PLCXD2: variants seen among roughly 807,000 people sequenced by gnomAD.
PLCXD2 encodes phosphatidylinositol specific phospholipase C X domain containing 2.
A neutral mutation model predicts 28.6 loss-of-function variants in PLCXD2; 21 were observed. The observed-to-expected ratio is 0.73, with a 90% CI of 0.52 to 1.06. The LOEUF (loss-of-function observed/expected upper bound fraction) is 1.06, where lower values mean the gene tolerates loss of function less well. PLCXD2 is among the 50% of genes least tolerant of loss of function. The probability of loss-of-function intolerance (pLI) is 0.00; values close to 1 mark genes in which losing one functional copy is unlikely to be tolerated. For synonymous variants in PLCXD2, 140 were observed against 150.1 expected (o/e 0.93, Z 0.49); for missense variants, 369 against 376.7 (o/e 0.98, Z 0.17).
chr3:111,695,338 AC>A (rs1940946341), intron 1 of PLCXD2, among the ~76,000 whole-genome samples: 1 of 152,204 alleles, frequency 6.6e-6, no homozygotes, highest in African/African-American at 2.4e-5. Context: ...ATAGAGCCAA[AC>A]CCTATACATC....
chr3:111,680,033 A>T (rs1940688536), intron 1 of PLCXD2, among the ~76,000 whole-genome samples: 1 of 152,074 alleles, frequency 6.6e-6, no homozygotes, highest in African/African-American at 2.4e-5. Context: ...TTCCCAGATG[A>T]TTCTCTGATC....
intron 1 of PLCXD2, among the ~76,000 whole-genome samples, chr3:111,677,729 G>A (rs1412172234): frequency 1.3e-5 from 2 of 152,222 alleles, no homozygotes; most frequent in Non-Finnish European, 2.9e-5. Flanking sequence ...CTTGGGAATG[G>A]CAGAGCAGTG....
rs778426481 is a variant in PLCXD2, at chr3:111,708,259, A to C, written c.497A>C (p.Tyr166Ser). Residue 166 changes from tyrosine (Y) to serine (S), a missense_variant, in exon 2 of 5, where the codon TAT becomes TCT. Tyr to Ser is a moderately radical substitution (Grantham distance 144, BLOSUM62 -2). Transcript: ENST00000477665. ...ATCTTCCTGGATTTCAACCACTTCT[A>C]TGCCATGGATGAGACCCATCACAAA... 1.2e-6 allele frequency: 2 copies of C among 1,614,056 alleles called. No homozygotes were observed. Among genetic ancestry groups the C allele is most frequent in the Non-Finnish European group, 1.7e-6 (2 of 1,180,034 alleles).
chr3:111,719,557 G>A (rs1256174126), intron 3 of PLCXD2, among the ~76,000 whole-genome samples: 1 of 152,204 alleles, frequency 6.6e-6, no homozygotes, highest in African/African-American at 2.4e-5. Flanking sequence ...TCTCTTCATT[G>A]ATTTTGAAAG....
At chr3:111,726,136 G>A in intron 3 of PLCXD2, 1 of 347,082 alleles carries the variant, frequency 2.9e-6, no homozygotes, top group Non-Finnish European at 5.1e-6. Context: ...CCAACAAGAA[G>A]CACAGCACTT....
intron 1 of PLCXD2, among the ~76,000 whole-genome samples, chr3:111,690,240 G>T (rs1022265195): frequency 6.6e-6 from 1 of 152,202 alleles, no homozygotes. Context: ...TCTTTTGTTG[G>T]TTGTAATAAA....
chr3:111,712,138 C>T lies in PLCXD2; in HGVS notation c.625-1749C>T, dbSNP rs566769869. Reference sequence around the variant, plus strand: ...GTGGGAGTTGGTTTGCAAGGCCGGCCTCCCCCTGTAAACAGAAATTCTCCC... The same window carrying T: ...GTGGGAGTTGGTTTGCAAGGCCGGCTTCCCCCTGTAAACAGAAATTCTCCC... On this transcript the variant is annotated intron_variant, in intron 2 of 4. Transcript: ENST00000477665. Among the ~76,000 whole-genome samples, 3 of 152,284 alleles carry T rather than the reference C, an allele frequency of 2.0e-5. No homozygotes were observed. The South Asian group carries it at 6.2e-4, about 32-fold the overall frequency.
At chr3:111,722,122 G>A (rs1047429627) in intron 3 of PLCXD2, 10 of 151,906 alleles carry the variant, frequency 6.6e-5, no homozygotes, top group African/African-American at 2.4e-4. Context: ...TGAAACTCGA[G>A]AGGGAATTTT....
chr3:111,705,780 A>G (rs778125765), intron 1 of PLCXD2, among the ~76,000 whole-genome samples: 2 of 151,338 alleles, frequency 1.3e-5, no homozygotes, highest in Non-Finnish European at 1.5e-5. Context: ...ATTGCTTCCT[A>G]TGTTTGTTTA....
chr3:111,710,532 A>C (rs779363161), intron 2 of PLCXD2, among the ~76,000 whole-genome samples: 6 of 152,130 alleles, frequency 3.9e-5, no homozygotes, highest in Non-Finnish European at 5.9e-5. Flanking sequence ...AACCTGGGCA[A>C]ATTTTAAAAT....
intron 1 of PLCXD2, among the ~76,000 whole-genome samples, chr3:111,701,946 C>T (rs1423602261): frequency 6.6e-6 from 1 of 152,104 alleles, no homozygotes; most frequent in African/African-American, 2.4e-5. Context: ...TTTGAAAATA[C>T]GCACTTTGTT....
intron 1 of PLCXD2, among the ~76,000 whole-genome samples, chr3:111,687,314 A>T (rs537054127): frequency 6.6e-6 from 1 of 152,316 alleles, no homozygotes; most frequent in South Asian, 2.1e-4. Flanking sequence ...TCTCCTTGGT[A>T]GAGTCAGGTG....
At chr3:111,707,769 A>G (rs1370358690) in intron 1 of PLCXD2, among the ~76,000 whole-genome samples, 157 bp from the exon 2 acceptor site, 1 of 152,190 alleles carries the variant, frequency 6.6e-6, no homozygotes, top group Non-Finnish European at 1.5e-5. Context: ...TGTTTATTTT[A>G]TTCCTAGCAA....
In PLCXD2 at chr3:111,714,101, G is replaced by A; in HGVS notation, c.839G>A (p.Gly280Glu). 6.2e-7 allele frequency: 1 copy of A among 1,614,094 alleles called. No individual in the cohort carries two copies. The highest frequency in any genetic ancestry group is 8.5e-7 in the Non-Finnish European group (1 of 1,180,028). ...AAGACCATTGCCCGGGGCTTGGTTG[G>A]GGGCCTCAAGAACACGCTGGTTCAT... Residue 280 changes from glycine (G) to glutamate (E), a missense_variant, in exon 3 of 5, where the codon GGG (glycine) becomes GAG (glutamate). Coordinates refer to ENST00000477665, the MANE Select transcript of PLCXD2 (RefSeq NM_001185106.1).
chr3:111,680,931 TAAC>T (rs1940704644), intron 1 of PLCXD2, among the ~76,000 whole-genome samples: 1 of 152,074 alleles, frequency 6.6e-6, no homozygotes, highest in Non-Finnish European at 1.5e-5. Context: ...TAGATAATAA[TAAC>T]AATTGTTATT....
chr3:111,718,332 G>A (rs1213949086), intron 3 of PLCXD2, among the ~76,000 whole-genome samples: 2 of 152,194 alleles, frequency 1.3e-5, no homozygotes, highest in East Asian at 1.9e-4. Context: ...GGGCGTGGTG[G>A]CGGGCGCCTG....
At chr3:111,713,833 T>C in intron 2 of PLCXD2, 54 bp from the exon 3 acceptor site, 1 of 1,580,280 alleles carries the variant, frequency 6.3e-7, no homozygotes, top group Non-Finnish European at 8.6e-7. Flanking sequence ...ACGGAGGAGT[T>C]AACATTCAGC....
At chr3:111,726,474 C>G (rs961252866) in intron 3 of PLCXD2, 1 of 152,096 alleles carries the variant, frequency 6.6e-6, no homozygotes, top group East Asian at 1.9e-4. Flanking sequence ...GATACGTGAA[C>G]CTGATAAATG....
intron 1 of PLCXD2, among the ~76,000 whole-genome samples, chr3:111,691,041 G>A (rs1940869633): frequency 6.6e-6 from 1 of 152,088 alleles, no homozygotes; most frequent in Non-Finnish European, 1.5e-5. Flanking sequence ...GACCCAACAG[G>A]AATATGGGTC....
Sources: allele counts gnomAD v4.1 joint callset (sites outside exome capture counted in the v4.1 genomes callset), GRCh38; gene constraint gnomAD v4.1.1; transcripts MANE v1.5; gene names NCBI Gene and HGNC (gene_info 2026-07-23, HGNC 2026-07-21).